The following SMR3A variants were observed in gnomAD, a reference collection of about 807,000 sequenced individuals.
SMR3A encodes submaxillary gland androgen regulated protein 3A, also known as submaxillary gland androgen-regulated protein 3A.
For missense variants in SMR3A, 188 were observed against 163.0 expected (o/e 1.15, Z -0.84); for synonymous variants, 48 against 57.4 (o/e 0.84, Z 0.74).
At position 70,366,788 on chromosome 4, in the gene SMR3A, C is replaced by T. The variant is rs748957378; in HGVS notation, c.199C>T (p.Leu67Phe). ...PYGPGRFPPP[L>F]SPPYGPGRIP... Reference sequence around the variant, plus strand: ...TGGTCCAGGGAGATTTCCACCACCCCTTTCTCCACCCTATGGTCCAGGGAG... The same window carrying T: ...TGGTCCAGGGAGATTTCCACCACCCTTTTCTCCACCCTATGGTCCAGGGAG... Residue 67 changes from leucine to phenylalanine, a missense_variant, in exon 3 of 3, where the codon CTT (leucine) becomes TTT (phenylalanine). Leu to Phe is a conservative substitution (Grantham distance 22, BLOSUM62 0). Transcript: ENST00000226460. The T allele has an allele frequency of 5.0e-6, 8 of 1,613,494 alleles. No homozygotes were observed. Among genetic ancestry groups the T allele is most frequent in the South Asian group, 1.1e-5 (1 of 91,056 alleles).
intron 1 of SMR3A, among the ~76,000 whole-genome samples, chr4:70,361,669 G>A (rs1454374943): frequency 6.6e-6 from 1 of 151,590 alleles, no homozygotes; most frequent in Non-Finnish European, 1.5e-5. Flanking sequence ...ACTAACATAT[G>A]ATCTAGTTAA....
At chr4:70,363,762 A>G (rs1370984975) in intron 2 of SMR3A, among the ~76,000 whole-genome samples, 4 of 152,064 alleles carry the variant, frequency 2.6e-5, no homozygotes, top group Non-Finnish European at 5.9e-5. Flanking sequence ...CAACATCGGT[A>G]TATCTTTAGG....
chr4:70,364,128 T>A lies in SMR3A; in HGVS notation c.54+1959T>A, dbSNP rs544198460. ...TTGGCAAATTTAGAATACTCTTTCA[T>A]AGAGCTTTGCTTTGCAGGAAAGAGG... On this transcript the variant is annotated intron_variant, in intron 2 of 2. Transcript: ENST00000226460. Among the ~76,000 whole-genome samples the A allele has an allele frequency of 7.9e-5, 12 of 152,164 alleles. No homozygotes were observed. The East Asian group carries it at 2.3e-3, about 30-fold the overall frequency.
At chr4:70,364,325 A>G (rs1732214279) in intron 2 of SMR3A, among the ~76,000 whole-genome samples, 1 of 152,018 alleles carries the variant, frequency 6.6e-6, no homozygotes, top group African/African-American at 2.4e-5. Flanking sequence ...GCCCTACAGT[A>G]ATTTGGGTAA....
intron 2 of SMR3A, among the ~76,000 whole-genome samples, chr4:70,363,769 T>C (rs1477951587): frequency 1.3e-5 from 2 of 152,194 alleles, no homozygotes; most frequent in East Asian, 3.9e-4. Context: ...GGTATATCTT[T>C]AGGAAAAGGT....
Position 70,366,226 on chromosome 4 carries a change from AT to A in SMR3A, c.55-408del, listed in dbSNP as rs151158112. Among the ~76,000 whole-genome samples the A allele has an allele frequency of 1.2e-3, 185 of 148,942 alleles. 1 individual carries two copies. The highest frequency in any genetic ancestry group is 3.9e-3 in the African/African-American group (160 of 40,626). ...GCTGAAAAGGTGTGTCCATTGCTGT[AT>A]TTTTTTTTTCTGCACCTCAGTGTCC... On this transcript the variant is annotated intron_variant, in intron 2 of 2. Coordinates refer to ENST00000226460, the MANE Select transcript of SMR3A (RefSeq NM_012390.4).
chr4:70,363,685 T>G (rs1732196657), intron 2 of SMR3A, among the ~76,000 whole-genome samples: 1 of 152,032 alleles, frequency 6.6e-6, no homozygotes, highest in South Asian at 2.1e-4. Flanking sequence ...TCACTGCGAT[T>G]GGGTTAAGAG....
chr4:70,365,197 C>T (rs1014802682), intron 2 of SMR3A, among the ~76,000 whole-genome samples: 4 of 152,098 alleles, frequency 2.6e-5, no homozygotes, highest in African/African-American at 9.6e-5. Flanking sequence ...CAGAACTGAT[C>T]TCTTTAAATC....
chr4:70,366,135 A>G (rs1355545592), intron 2 of SMR3A, among the ~76,000 whole-genome samples: 1 of 151,922 alleles, frequency 6.6e-6, no homozygotes, highest in South Asian at 2.1e-4. Context: ...ACTCATTATT[A>G]TCTCAGTTTC....
intron 1 of SMR3A, among the ~76,000 whole-genome samples, chr4:70,361,780 A>G (rs1732151905): frequency 6.6e-6 from 1 of 151,934 alleles, no homozygotes; most frequent in Non-Finnish European, 1.5e-5. Flanking sequence ...TGTACATGTC[A>G]AAGTAGTTAC....
intron 2 of SMR3A, among the ~76,000 whole-genome samples, chr4:70,362,517 C>G (rs1472818878): frequency 1.3e-5 from 2 of 151,666 alleles, no homozygotes; most frequent in African/African-American, 2.4e-5. Context: ...AGTCACCTAA[C>G]TCACTTATTA....
intron 2 of SMR3A, among the ~76,000 whole-genome samples, chr4:70,366,360 A>G (rs964977469): frequency 2.0e-5 from 3 of 151,914 alleles, no homozygotes; most frequent in Admixed American, 1.3e-4. Flanking sequence ...CAGCTCCTAT[A>G]GCCAGTCTAC....
intron 2 of SMR3A, among the ~76,000 whole-genome samples, chr4:70,366,422 C>T (rs1175111746): frequency 2.0e-5 from 3 of 152,094 alleles, no homozygotes; most frequent in East Asian, 1.9e-4. Flanking sequence ...ATTCAAAGCC[C>T]AGAGGAAAGC....
chr4:70,366,505 A>G (rs1732264225), intron 2 of SMR3A, 139 bp from the exon 3 acceptor site: 2 of 743,842 alleles, frequency 2.7e-6, no homozygotes, highest in East Asian at 5.5e-5. Flanking sequence ...CTCACCTGAT[A>G]AGGTCAGGCC....
At chr4:70,362,060 T>TA (rs1405023788) in intron 1 of SMR3A, 42 bp from the exon 2 acceptor site, 15 of 1,608,750 alleles carry the variant, frequency 9.3e-6, no homozygotes, top group Non-Finnish European at 1.2e-5. Context: ...TACTTTTTAA[T>TA]AAAAAACAAT....
At chr4:70,364,819 G>A (rs1368431792) in intron 2 of SMR3A, among the ~76,000 whole-genome samples, 5 of 151,968 alleles carry the variant, frequency 3.3e-5, no homozygotes, top group African/African-American at 1.2e-4. Context: ...CAGCACTGAA[G>A]GACGCTAACT....
At chr4:70,365,611 C>T (rs778958869) in intron 2 of SMR3A, among the ~76,000 whole-genome samples, 9 of 151,974 alleles carry the variant, frequency 5.9e-5, no homozygotes, top group Non-Finnish European at 1.5e-5. Context: ...AAATCCCAGA[C>T]ACTCATTCCA....
Position 70,363,247 on chromosome 4 carries a change from A to G in SMR3A, c.54+1078A>G, listed in dbSNP as rs139807566. On this transcript the variant is annotated intron_variant, in intron 2 of 2. Coordinates refer to ENST00000226460, the MANE Select transcript of SMR3A (RefSeq NM_012390.4). ...ATTAGAAAAACAGAGCTTTCCAATA[A>G]TATAAGCAGTTTAAATAGAAATGAG... Among the ~76,000 whole-genome samples the G allele has an allele frequency of 8.5e-5, 13 of 152,116 alleles. No individual in the cohort carries two copies. In the East Asian group the frequency reaches 2.5e-3, roughly 29 times the overall value.
intron 1 of SMR3A, among the ~76,000 whole-genome samples, chr4:70,361,063 A>G (rs765300444): frequency 6.6e-6 from 1 of 151,828 alleles, no homozygotes; most frequent in Non-Finnish European, 1.5e-5. Flanking sequence ...TACACAATTG[A>G]CTTTTCCCCT....
Sources: allele counts gnomAD v4.1 joint callset (sites outside exome capture counted in the v4.1 genomes callset), GRCh38; gene constraint gnomAD v4.1.1; transcripts MANE v1.5; gene names NCBI Gene and HGNC (gene_info 2026-07-23, HGNC 2026-07-21).